Variants in PLPP4 observed in about 807,000 individuals in gnomAD.
PLPP4 encodes the protein diacylglycerol pyrophosphate like 2.
A neutral mutation model predicts 32.2 loss-of-function variants in PLPP4; 20 were observed. The observed-to-expected ratio is 0.62, with a 90% CI of 0.44 to 0.90. The LOEUF is 0.90. Ranked by LOEUF, PLPP4 falls within the 40% of genes least tolerant of loss-of-function variation. The pLI, the probability that PLPP4 is intolerant of heterozygous loss-of-function variation, is 0.00. For synonymous variants in PLPP4, 127 were observed against 133.0 expected (o/e 0.95, Z 0.31); for missense variants, 257 against 353.1 (o/e 0.73, Z 2.18).
chr10:120,459,887 A>G (rs1182782759), intron 1 of PLPP4, among the ~76,000 whole-genome samples: 2 of 152,226 alleles, frequency 1.3e-5, no homozygotes. Context: ...GAGAGCTAAG[A>G]AAATGCATTT....
chr10:120,580,669 ACACACACAC>A (rs750459651), intron 6 of PLPP4, among the ~76,000 whole-genome samples: 9 of 145,924 alleles, frequency 6.2e-5, no homozygotes, highest in Admixed American at 2.1e-4. Flanking sequence ...ACACACACAC[ACACACACAC>A]ACGGCTGAGG....
chr10:120,531,895 C>CACACACAT (rs3066602), intron 5 of PLPP4, among the ~76,000 whole-genome samples: 1 of 140,368 alleles, frequency 7.1e-6, no homozygotes, highest in Non-Finnish European at 1.6e-5. Context: ...CACACACACA[C>CACACACAT]ATATATATAT....
intron 1 of PLPP4, among the ~76,000 whole-genome samples, chr10:120,462,102 A>T (rs1848077147): frequency 6.6e-6 from 1 of 152,170 alleles, no homozygotes; most frequent in African/African-American, 2.4e-5. Context: ...CCCAGGGCTG[A>T]GCACCGAATG....
intron 1 of PLPP4, among the ~76,000 whole-genome samples, chr10:120,475,317 A>T (rs768973114): frequency 8.6e-5 from 13 of 151,762 alleles, no homozygotes; most frequent in Non-Finnish European, 1.9e-4. Context: ...TCAGTGGCAG[A>T]GCTGGGCCCA....
At chr10:120,474,689 CAT>C (rs1380642970) in intron 1 of PLPP4, among the ~76,000 whole-genome samples, 1 of 152,058 alleles carries the variant, frequency 6.6e-6, no homozygotes, top group Non-Finnish European at 1.5e-5. Context: ...CAAAAAAAAT[CAT>C]ATTGTTCATT....
At chr10:120,541,662 C>T (rs919592584) in intron 5 of PLPP4, among the ~76,000 whole-genome samples, 9 of 152,240 alleles carry the variant, frequency 5.9e-5, no homozygotes, top group Non-Finnish European at 1.0e-4. Flanking sequence ...AGTACAGATC[C>T]ACCTGCTTCA....
intron 1 of PLPP4, among the ~76,000 whole-genome samples, chr10:120,477,971 CA>C (rs1396885722): frequency 6.6e-6 from 1 of 152,098 alleles, no homozygotes; most frequent in African/African-American, 2.4e-5. Context: ...CACTCAAGGA[CA>C]AGTTTCTTCT....
intron 1 of PLPP4, among the ~76,000 whole-genome samples, chr10:120,501,050 A>G (rs1012051345): frequency 2.5e-4 from 38 of 152,306 alleles, no homozygotes; most frequent in Non-Finnish European, 2.2e-4. Context: ...CAGGGGTTCC[A>G]GCTCCTGCCA....
chr10:120,589,546 C>T lies in PLPP4; in HGVS notation c.*44C>T. The T allele has an allele frequency of 6.9e-7, 1 of 1,455,320 alleles. No homozygotes were observed. Among genetic ancestry groups the T allele is most frequent in the Non-Finnish European group, 9.6e-7 (1 of 1,042,968 alleles). 90.2% of individuals were successfully genotyped at this position (1,455,320 alleles called of 1,614,324 possible). A position where few individuals can be genotyped will look rare whatever the true frequency, so the allele number is the denominator to read the frequency against. ...GGACACTAAGCCCTGGGCACATCTG[C>T]CACCCTGACATCATAACACAATAGA... On this transcript the variant is annotated 3_prime_UTR_variant, in exon 7 of 7. Transcript: ENST00000398250.
chr10:120,581,316 T>C (rs954547936), intron 6 of PLPP4: 61 of 985,054 alleles, frequency 6.2e-5, no homozygotes, highest in Non-Finnish European at 7.1e-5. Context: ...AGACTCCAAC[T>C]TTTCCTTCCC....
chr10:120,571,017 A>G (rs1199222349), intron 5 of PLPP4, among the ~76,000 whole-genome samples: 2 of 150,188 alleles, frequency 1.3e-5, no homozygotes, highest in Non-Finnish European at 3.0e-5. Flanking sequence ...ACCTACTACA[A>G]GGCTTTGAAA....
chr10:120,581,314 A>G (rs778772340), intron 6 of PLPP4: 239 of 984,948 alleles, frequency 2.4e-4, no homozygotes, highest in Non-Finnish European at 2.8e-4. Context: ...ATAGACTCCA[A>G]CTTTTCCTTC....
intron 5 of PLPP4, among the ~76,000 whole-genome samples, chr10:120,533,199 A>G (rs1037769631): frequency 6.6e-6 from 1 of 152,156 alleles, no homozygotes; most frequent in African/African-American, 2.4e-5. Context: ...CTTTTTTATT[A>G]TAGCCATGCT....
At chr10:120,557,493 C>A (rs1410999874) in intron 5 of PLPP4, among the ~76,000 whole-genome samples, 1 of 152,152 alleles carries the variant, frequency 6.6e-6, no homozygotes, top group Non-Finnish European at 1.5e-5. Flanking sequence ...AGTTGGAGTT[C>A]ATTGCACTTG....
intron 1 of PLPP4, among the ~76,000 whole-genome samples, chr10:120,469,227 CTT>C (rs540404965): frequency 0.022 from 699 of 32,248 alleles, 141 homozygotes; most frequent in African/African-American, 0.038. Context: ...GGAACTGCAA[CTT>C]TTTTTTTTTT....
chr10:120,500,283 C>T (rs1845180427), intron 1 of PLPP4, among the ~76,000 whole-genome samples: 1 of 152,084 alleles, frequency 6.6e-6, no homozygotes, highest in Non-Finnish European at 1.5e-5. Context: ...GTCCCATTGC[C>T]CTGTGGCCGG....
chr10:120,586,458 A>C (rs139369255), intron 6 of PLPP4, among the ~76,000 whole-genome samples: 2 of 152,122 alleles, frequency 1.3e-5, no homozygotes, highest in Non-Finnish European at 2.9e-5. Context: ...GAGTCTCCAA[A>C]TAATCTCAAT....
At chr10:120,464,938 G>C (rs1167099503) in intron 1 of PLPP4, among the ~76,000 whole-genome samples, 1 of 152,124 alleles carries the variant, frequency 6.6e-6, no homozygotes, top group East Asian at 1.9e-4. Context: ...AATACTACTT[G>C]CCACTGTAAA....
intron 1 of PLPP4, among the ~76,000 whole-genome samples, chr10:120,461,125 A>G (rs935691701): frequency 1.2e-4 from 18 of 152,216 alleles, no homozygotes; most frequent in Non-Finnish European, 2.2e-4. Flanking sequence ...TCATGCTAGG[A>G]TGACACCTCA....
Sources: gnomAD v4.1 joint callset for allele counts (sites outside exome capture counted in the v4.1 genomes callset) on GRCh38, gnomAD v4.1.1 for gene constraint, MANE v1.5 for transcripts, NCBI Gene and HGNC (gene_info 2026-07-23, HGNC 2026-07-21) for gene names.